SH3PXD2A: variants seen among roughly 807,000 people sequenced by gnomAD.
SH3PXD2A encodes the protein SH3 and PX domains 2A, also known as SH3 and PX domain-containing protein 2A.
SH3PXD2A carries 32 observed loss-of-function variants against 115.2 expected under a neutral mutation model. That is an observed-to-expected ratio of 0.28 (90% CI 0.21 to 0.37). The LOEUF (loss-of-function observed/expected upper bound fraction) is 0.37. SH3PXD2A is among the 10% of genes least tolerant of loss of function. SH3PXD2A has a pLI of 1.00. For synonymous variants in SH3PXD2A, 610 were observed against 629.1 expected (o/e 0.97, Z 0.45); for missense variants, 1,328 against 1,498.7 (o/e 0.89, Z 1.88).
At chr10:103,842,569 C>T (rs144446526) in intron 1 of SH3PXD2A, among the ~76,000 whole-genome samples, 33 of 152,260 alleles carry the variant, frequency 2.2e-4, no homozygotes, top group African/African-American at 7.7e-4. Flanking sequence ...CTCTGGTAGC[C>T]GCCATTCTAC....
intron 8 of SH3PXD2A, among the ~76,000 whole-genome samples, chr10:103,643,420 G>C (rs1388650655): frequency 2.0e-5 from 3 of 152,196 alleles, no homozygotes; most frequent in Admixed American, 6.5e-5. Context: ...ACTTAAACAT[G>C]TATTTCAAAA....
chr10:103,710,248 G>T (rs1278521119), intron 5 of SH3PXD2A, among the ~76,000 whole-genome samples: 1 of 151,696 alleles, frequency 6.6e-6, no homozygotes, highest in African/African-American at 2.4e-5. Context: ...CAAAAAATTA[G>T]CTGGGCATCA....
intron 3 of SH3PXD2A, among the ~76,000 whole-genome samples, chr10:103,745,181 T>C (rs1228000891): frequency 6.6e-6 from 1 of 152,220 alleles, no homozygotes; most frequent in African/African-American, 2.4e-5. Flanking sequence ...TGTTACCACC[T>C]GGGGGAAGCC....
chr10:103,828,058 G>A (rs778910155), intron 1 of SH3PXD2A, among the ~76,000 whole-genome samples: 4 of 152,198 alleles, frequency 2.6e-5, no homozygotes, highest in Non-Finnish European at 5.9e-5. Flanking sequence ...GGCCTGGCAC[G>A]GCAGGCAGGG....
Position 103,596,686 on chromosome 10 carries a change from CA to C in SH3PXD2A, c.*5129del, listed in dbSNP as rs1030309197. The C allele has an allele frequency of 6.3e-5, 5 of 79,094 alleles. No individual in the cohort carries two copies. Among genetic ancestry groups the C allele is most frequent in the African/African-American group, 1.4e-4 (4 of 28,148 alleles). The allele number at this position is 79,094 out of a possible 1,614,324, so 4.9% of individuals were successfully genotyped here. The stretch of plus-strand genomic sequence containing the variant: ...ACACTCTCTCTCTCTCTCTCTCTCT[CA>C]CAACACATGGCCCTCAAAAAAGTGA... On this transcript the variant is annotated 3_prime_UTR_variant, in exon 15 of 15. Transcript: ENST00000369774.
intron 2 of SH3PXD2A, among the ~76,000 whole-genome samples, chr10:103,772,147 C>T (rs924474581): frequency 3.9e-5 from 6 of 152,194 alleles, no homozygotes; most frequent in African/African-American, 1.4e-4. Context: ...ACTTGCAAAG[C>T]TGCACAGTTC....
chr10:103,733,304 C>T (rs944075754), intron 4 of SH3PXD2A, among the ~76,000 whole-genome samples: 2 of 152,222 alleles, frequency 1.3e-5, no homozygotes, highest in Non-Finnish European at 2.9e-5. Flanking sequence ...AGATAAGATG[C>T]TATCACTTCC....
rs115180081 is a variant in SH3PXD2A at position 103,829,318 on chromosome 10, A to G, written c.72+25877T>C. 3.1e-3 allele frequency among the ~76,000 whole-genome samples: 478 copies of G among 152,308 alleles called. 2 individuals carry two copies. The highest frequency in any genetic ancestry group is 0.011 in the African/African-American group (465 of 41,558). On this transcript the variant is annotated intron_variant, in intron 1 of 14. Transcript: ENST00000369774. ...GCACGCAGGCATCCGATCTTCTCTT[A>G]AAGACTGTAATTTATTATGCCTCTT...
At position 103,755,512 on chromosome 10, in the gene SH3PXD2A, G is replaced by A. The variant is rs529513071; in HGVS notation, c.229+11582C>T. The A allele has an allele frequency of 2.0e-5, 3 of 152,412 alleles. No homozygotes were observed. In the East Asian group the frequency reaches 5.8e-4, roughly 29 times the overall value. The allele number at this position is 152,412 out of a possible 1,614,324, so 9.4% of individuals were successfully genotyped here. ...ACTCTTGAGCTTGAGCAATCCTCCT[G>A]CCTCTGCCCCCTGAGTAGCTGGGAC... On this transcript the variant is annotated intron_variant, in intron 3 of 14. Coordinates refer to ENST00000369774, the MANE Select transcript of SH3PXD2A (RefSeq NM_001394015.1).
At chr10:103,699,127 G>T (rs1339401830) in intron 5 of SH3PXD2A, among the ~76,000 whole-genome samples, 1 of 152,168 alleles carries the variant, frequency 6.6e-6, no homozygotes, top group Non-Finnish European at 1.5e-5. Flanking sequence ...GGGGGCAGGA[G>T]AGGGGCTGTC....
At chr10:103,718,519 C>G (rs996589377) in intron 5 of SH3PXD2A, among the ~76,000 whole-genome samples, 2 of 152,216 alleles carry the variant, frequency 1.3e-5, no homozygotes, top group Non-Finnish European at 2.9e-5. Flanking sequence ...CCTAACAGAA[C>G]TGCACCCAGG....
intron 2 of SH3PXD2A, among the ~76,000 whole-genome samples, chr10:103,772,001 C>T (rs1485354652): frequency 6.6e-6 from 1 of 152,130 alleles, no homozygotes; most frequent in African/African-American, 2.4e-5. Flanking sequence ...GACCACTGGC[C>T]GCGGAAAACG....
chr10:103,838,471 A>C (rs966440401), intron 1 of SH3PXD2A, among the ~76,000 whole-genome samples: 2 of 152,226 alleles, frequency 1.3e-5, no homozygotes, highest in African/African-American at 2.4e-5. Flanking sequence ...GGCACAGCTG[A>C]AATTTGAACT....
intron 2 of SH3PXD2A, 39 bp downstream of exon 2, chr10:103,801,241 CAG>C: frequency 1.6e-6 from 2 of 1,258,568 alleles, no homozygotes; most frequent in East Asian, 2.3e-5. Flanking sequence ...GCCAGCCCAC[CAG>C]AGAGACTTGG....
chr10:103,815,860 G>C (rs2134283152), intron 1 of SH3PXD2A, among the ~76,000 whole-genome samples: 1 of 150,736 alleles, frequency 6.6e-6, no homozygotes, highest in South Asian at 2.1e-4. Context: ...TTGCACTCCA[G>C]CCTGGGCAAC....
chr10:103,822,019 T>C (rs574700285), intron 1 of SH3PXD2A, among the ~76,000 whole-genome samples: 31 of 152,264 alleles, frequency 2.0e-4, no homozygotes, highest in African/African-American at 7.5e-4. Context: ...TTCTCCAGCC[T>C]CAGCCTCCTG....
In SH3PXD2A at chr10:103,801,328, G is replaced by A; in HGVS notation, c.107C>T (p.Thr36Ile). 6.2e-7 allele frequency: 1 copy of A among 1,612,308 alleles called. No individual in the cohort carries two copies. The highest frequency in any genetic ancestry group is 8.5e-7 in the Non-Finnish European group (1 of 1,178,372). Reference protein sequence around the residue: ...YIINVTWSDSTSQTIYRRYSK... With the variant: ...YIINVTWSDSISQTIYRRYSK... ...GTACCTCCGGTAGATAGTCTGGGAG[G>A]TGGAGTCAGACCAGGTCACATTGAT... The change falls in exon 2 of 15, where the codon ACC becomes ATC. Residue 36 changes from threonine to isoleucine, a missense_variant. By Grantham distance (89) the Thr-to-Ile change is moderately conservative. Transcript: ENST00000369774.
chr10:103,782,143 G>C lies in SH3PXD2A; in HGVS notation c.154-14974C>G, dbSNP rs1477116866. 2.6e-5 allele frequency among the ~76,000 whole-genome samples: 4 copies of C among 152,180 alleles called. No homozygotes were observed. In the East Asian group the frequency reaches 5.8e-4, roughly 22 times the overall value. Reference sequence around the variant, plus strand: ...CACACTGGGACCGAAAGAAGAATAAGAGAGGAATGGAGAAGAGGGACTTCA... The same window carrying C: ...CACACTGGGACCGAAAGAAGAATAACAGAGGAATGGAGAAGAGGGACTTCA... On this transcript the variant is annotated intron_variant, in intron 2 of 14. Coordinates refer to ENST00000369774, the MANE Select transcript of SH3PXD2A (RefSeq NM_001394015.1).
rs185137437 is a variant in SH3PXD2A at position 103,777,508 on chromosome 10, G to A, written c.154-10339C>T. Among the ~76,000 whole-genome samples the A allele has an allele frequency of 3.0e-3, 457 of 152,386 alleles. 1 individual carries two copies. Among genetic ancestry groups the A allele is most frequent in the African/African-American group, 0.01 (425 of 41,590 alleles). On this transcript the variant is annotated intron_variant, in intron 2 of 14. Coordinates refer to ENST00000369774, the MANE Select transcript of SH3PXD2A (RefSeq NM_001394015.1). ...TCCGTGGGTGGGGGCTGGCCAGGAC[G>A]TGACATTTAACATGCTAGGCCTGGG...
Sources: gnomAD v4.1 joint callset for allele counts (sites outside exome capture counted in the v4.1 genomes callset) on GRCh38, gnomAD v4.1.1 for gene constraint, MANE v1.5 for transcripts, NCBI Gene and HGNC (gene_info 2026-07-23, HGNC 2026-07-21) for gene names.